Variants in CDH13 observed in about 807,000 individuals in gnomAD.
The protein encoded by CDH13 is cadherin 13, also known as cadherin-13.
CDH13 carries 24 observed loss-of-function variants against 63.8 expected under a neutral mutation model. That is an observed-to-expected ratio of 0.38 (90% CI 0.27 to 0.53). The LOEUF (loss-of-function observed/expected upper bound fraction) is 0.53. Ranked by LOEUF, CDH13 falls within the 20% of genes least tolerant of loss-of-function variation. The pLI is 0.85. For missense variants in CDH13, 1,049 were observed against 903.1 expected (o/e 1.16, Z -2.07); for synonymous variants, 503 against 355.3 (o/e 1.42, Z -4.67).
Position 83,745,738 on chromosome 16 carries a change from A to T in CDH13, c.1539-2370A>T, listed in dbSNP as rs575954302. On this transcript the variant is annotated intron_variant, in intron 10 of 13. Transcript: ENST00000567109. ...CCAAGATGACCTTTAAGTCATGGAC[A>T]AGGGCAGTTCTTCTTCTCCTTGGCC... 6.6e-5 allele frequency among the ~76,000 whole-genome samples: 10 copies of T among 152,288 alleles called. No homozygotes were observed. The East Asian group carries it at 1.7e-3, about 26-fold the overall frequency.
intron 2 of CDH13, among the ~76,000 whole-genome samples, chr16:82,913,782 G>T (rs1026643339): frequency 1.3e-5 from 2 of 152,108 alleles, no homozygotes; most frequent in Admixed American, 1.3e-4. Flanking sequence ...TGAAGGGGGT[G>T]CAGGTAGAGG....
At chr16:83,205,236 A>G (rs4782751) in intron 4 of CDH13, among the ~76,000 whole-genome samples, 138,910 of 152,250 alleles carry the variant, frequency 0.91, 64,352 homozygotes, top group Non-Finnish European at 0.99. Flanking sequence ...GGAGAGTGAA[A>G]CACACAGCAT....
chr16:83,361,618 G>T (rs2091163790), intron 6 of CDH13, among the ~76,000 whole-genome samples: 2 of 152,272 alleles, frequency 1.3e-5, no homozygotes, highest in Admixed American at 1.3e-4. Flanking sequence ...ATGATGAAAT[G>T]TATGGGTCAT....
At chr16:83,009,911 A>G (rs1249448334) in intron 2 of CDH13, among the ~76,000 whole-genome samples, 1 of 152,092 alleles carries the variant, frequency 6.6e-6, no homozygotes, top group Non-Finnish European at 1.5e-5. Flanking sequence ...AGGCAGGTGG[A>G]TCACCTGAGG....
intron 7 of CDH13, among the ~76,000 whole-genome samples, chr16:83,535,544 C>G (rs1293909064): frequency 6.6e-6 from 1 of 152,178 alleles, no homozygotes; most frequent in Non-Finnish European, 1.5e-5. Flanking sequence ...TTACAGCTGA[C>G]CAGCTCTGCT....
At chr16:82,927,912 A>G (rs879438316) in intron 2 of CDH13, among the ~76,000 whole-genome samples, 3 of 152,220 alleles carry the variant, frequency 2.0e-5, no homozygotes, top group Admixed American at 2.0e-4. Context: ...CTTCTTAAAT[A>G]GCAGTCATTG....
chr16:83,604,411 A>G (rs964960282), intron 8 of CDH13, among the ~76,000 whole-genome samples: 4 of 152,108 alleles, frequency 2.6e-5, no homozygotes, highest in African/African-American at 9.7e-5. Flanking sequence ...AGTCACAAAA[A>G]TTACACCACC....
intron 11 of CDH13, among the ~76,000 whole-genome samples, chr16:83,776,857 G>A (rs12448501): frequency 0.2 from 30,268 of 152,108 alleles, 3,350 homozygotes; most frequent in Non-Finnish European, 0.25. Flanking sequence ...CTGGCATTCT[G>A]AACTTTCACC....
At chr16:82,692,678 T>G (rs758171216) in intron 1 of CDH13, among the ~76,000 whole-genome samples, 1 of 152,218 alleles carries the variant, frequency 6.6e-6, no homozygotes, top group Non-Finnish European at 1.5e-5. Flanking sequence ...ATAGGTGATA[T>G]GGCAGTGTGG....
chr16:83,256,116 C>G (rs1239579261), intron 5 of CDH13, among the ~76,000 whole-genome samples: 2 of 152,184 alleles, frequency 1.3e-5, no homozygotes, highest in Non-Finnish European at 2.9e-5. Flanking sequence ...TCACTGCAGC[C>G]TTGACTTCCT....
chr16:82,781,194 T>A (rs988991897), intron 1 of CDH13, among the ~76,000 whole-genome samples: 1 of 152,200 alleles, frequency 6.6e-6, no homozygotes, highest in African/African-American at 2.4e-5. Flanking sequence ...GAAATAGAGA[T>A]GTGATTATTG....
chr16:82,886,114 T>C (rs1164811715), intron 2 of CDH13, among the ~76,000 whole-genome samples: 1 of 152,234 alleles, frequency 6.6e-6, no homozygotes, highest in African/African-American at 2.4e-5. Context: ...TCAGCTCATT[T>C]TAAAGGTTTC....
intron 7 of CDH13, among the ~76,000 whole-genome samples, chr16:83,503,635 A>T (rs777252715): frequency 2.0e-5 from 3 of 152,186 alleles, no homozygotes; most frequent in Admixed American, 2.0e-4. Flanking sequence ...ATAGGAAAAG[A>T]TGCTTGACCA....
intron 5 of CDH13, among the ~76,000 whole-genome samples, chr16:83,231,864 T>G (rs2040006046): frequency 6.6e-6 from 1 of 152,008 alleles, no homozygotes; most frequent in African/African-American, 2.4e-5. Flanking sequence ...ATCATGGGGG[T>G]GGACCCCTCC....
chr16:83,149,192 G>A, intron 4 of CDH13, among the ~76,000 whole-genome samples: 1 of 152,144 alleles, frequency 6.6e-6, no homozygotes, highest in East Asian at 1.9e-4. Context: ...CTAATTTCCT[G>A]TAGCTTCATA....
rs146013291 is a variant in CDH13, at chr16:83,528,686, T to C, written c.960+42031T>C. Among the ~76,000 whole-genome samples the C allele has an allele frequency of 7.1e-3, 1,075 of 152,352 alleles. 12 individuals are homozygous for C. Among genetic ancestry groups the C allele is most frequent in the African/African-American group, 0.024 (997 of 41,578 alleles). ...TATCTCCATCTATCTCTAAATTCTCTGACAGTGCTGAGATGTAACGAACAG... is the reference window on the plus strand; with the variant it reads ...TATCTCCATCTATCTCTAAATTCTCCGACAGTGCTGAGATGTAACGAACAG... On this transcript the variant is annotated intron_variant, in intron 7 of 13. Coordinates refer to ENST00000567109, the MANE Select transcript of CDH13 (RefSeq NM_001257.5).
chr16:83,380,817 G>T (rs1053554273), intron 6 of CDH13, among the ~76,000 whole-genome samples: 1 of 149,930 alleles, frequency 6.7e-6, no homozygotes, highest in African/African-American at 2.5e-5. Context: ...TTTCATTAGG[G>T]CACATTACCC....
intron 2 of CDH13, among the ~76,000 whole-genome samples, chr16:82,967,373 A>T (rs1466882034): frequency 6.6e-6 from 1 of 152,154 alleles, no homozygotes; most frequent in African/African-American, 2.4e-5. Flanking sequence ...GATTTTTTTA[A>T]AACTGACTTC....
intron 1 of CDH13, among the ~76,000 whole-genome samples, chr16:82,784,837 A>G (rs2035927937): frequency 6.6e-6 from 1 of 152,140 alleles, no homozygotes. Context: ...CAGCAGCTGA[A>G]AAGTCCTTAG....
Sources: allele counts gnomAD v4.1 joint callset (sites outside exome capture counted in the v4.1 genomes callset), GRCh38; gene constraint gnomAD v4.1.1; transcripts MANE v1.5; gene names NCBI Gene and HGNC (gene_info 2026-07-23, HGNC 2026-07-21).